RMDN1: variants seen among roughly 807,000 people sequenced by gnomAD.
RMDN1 encodes regulator of microtubule dynamics protein 1.
A neutral mutation model predicts 48.9 loss-of-function variants in RMDN1; 48 were observed. The observed-to-expected ratio is 0.98, with a 90% CI of 0.78 to 1.25. RMDN1 has a LOEUF of 1.25. RMDN1 is among the 50% of genes most tolerant of loss of function. RMDN1 has a pLI of 0.00. For missense variants in RMDN1, 418 were observed against 373.4 expected (o/e 1.12, Z -0.98); for synonymous variants, 148 against 132.6 (o/e 1.12, Z -0.80).
In RMDN1 at chr8:86,508,563, C is replaced by T. The variant is rs774133599; in HGVS notation, c.58G>A (p.Gly20Arg). 22 of 1,600,550 alleles carry T rather than the reference C, an allele frequency of 1.4e-5. No individual in the cohort carries two copies. In the South Asian group the frequency reaches 2.2e-4, roughly 16 times the overall value. The change falls in exon 1 of 10, where the codon GGG becomes AGG. Residue 20 changes from glycine (G) to arginine (R), a missense_variant. Physicochemically the swap from Gly to Arg is moderately radical, Grantham distance 125. Coordinates refer to ENST00000406452, the MANE Select transcript of RMDN1 (RefSeq NM_016033.3). ...LLPFRRGAAP[G>R]SRLPAGTSGS... ...GAAGTCCCCGCAGGGAGACGAGACC[C>T]CGGGGCGGCTCCACGTCGGAAAGGC...
In RMDN1 at chr8:86,473,612, A is replaced by C; in HGVS notation, c.*696T>G. The stretch of plus-strand genomic sequence containing the variant: ...AAAACCCCATCTCTACCAAAAATAC[A>C]AAAGTTAGCCGAGTGTGGTGGTACA... On this transcript the variant is annotated 3_prime_UTR_variant, in exon 10 of 10. Transcript: ENST00000406452. 1 of 403,210 alleles carries C rather than the reference A, an allele frequency of 2.5e-6. No homozygotes were observed. Among genetic ancestry groups the C allele is most frequent in the Non-Finnish European group, 3.4e-6 (1 of 298,154 alleles). 25.0% of individuals were successfully genotyped at this position (403,210 alleles called of 1,614,324 possible).
At position 86,474,863 on chromosome 8, in the gene RMDN1, A is replaced by G. The variant is rs1813102074; in HGVS notation, c.851T>C (p.Met284Thr). 1 of 1,612,910 alleles carries G rather than the reference A, an allele frequency of 6.2e-7. No homozygotes were observed. Among genetic ancestry groups the G allele is most frequent in the Non-Finnish European group, 8.5e-7 (1 of 1,179,478 alleles). ...HNKKLAAFWL[M>T]KAKDYPAHTE... The stretch of plus-strand genomic sequence containing the variant: ...GTGTGCTGGATAGTCCTTGGCTTTC[A>G]TTAGCCAGAAAGCAGCAAGCTTTTT... Residue 284 changes from methionine to threonine, a missense_variant, in exon 9 of 10, where the codon ATG becomes ACG. Transcript: ENST00000406452.
At chr8:86,494,547 C>G (rs935400731) in intron 2 of RMDN1, among the ~76,000 whole-genome samples, 2 of 152,162 alleles carry the variant, frequency 1.3e-5, no homozygotes, top group South Asian at 4.1e-4. Flanking sequence ...CAGAGCGAGA[C>G]TCTGTCTCAA....
chr8:86,504,599 T>C (rs1441119193), intron 2 of RMDN1: 1 of 995,378 alleles, frequency 1.0e-6, no homozygotes, highest in East Asian at 2.4e-5. Flanking sequence ...ATGATAGGCC[T>C]TGGAGGGATG....
intron 2 of RMDN1, among the ~76,000 whole-genome samples, chr8:86,503,380 A>ACAAAAC (rs1554594064): frequency 1.7e-5 from 1 of 59,022 alleles, no homozygotes; most frequent in Non-Finnish European, 3.0e-5. Context: ...ACAAAAAAAA[A>ACAAAAC]AAAAAAAAAC....
intron 2 of RMDN1, chr8:86,504,145 T>C (rs192904172): frequency 3.2e-5 from 42 of 1,320,932 alleles, no homozygotes; most frequent in Admixed American, 1.0e-4. Flanking sequence ...GCCGGTATTA[T>C]TGGGCTTTAC....
intron 2 of RMDN1, 28 bp from the exon 3 acceptor site, chr8:86,488,667 A>G: frequency 1.3e-6 from 2 of 1,499,176 alleles, no homozygotes; most frequent in South Asian, 1.2e-5. Context: ...GAAAAAAGAC[A>G]CAATAAAATA....
chr8:86,493,064 C>T (rs948773359), intron 2 of RMDN1, among the ~76,000 whole-genome samples: 12 of 149,792 alleles, frequency 8.0e-5, no homozygotes, highest in African/African-American at 2.0e-4. Context: ...TAAGGGCCAG[C>T]GAAGTTATAT....
At chr8:86,494,446 C>G (rs536227736) in intron 2 of RMDN1, among the ~76,000 whole-genome samples, 25 of 152,210 alleles carry the variant, frequency 1.6e-4, no homozygotes, top group African/African-American at 6.0e-4. Context: ...GTCCCAGCTA[C>G]TAGGGAGGCC....
intron 5 of RMDN1, among the ~76,000 whole-genome samples, chr8:86,480,798 T>G (rs981921701): frequency 6.6e-6 from 1 of 151,910 alleles, no homozygotes; most frequent in Non-Finnish European, 1.5e-5. Flanking sequence ...GTCTCTTCTA[T>G]GCAGATTTTA....
chr8:86,471,268 C>A (rs1205001126), downstream of RMDN1, among the ~76,000 whole-genome samples: 1 of 150,344 alleles, frequency 6.7e-6, no homozygotes, highest in Non-Finnish European at 1.5e-5. Flanking sequence ...TTGAATGATA[C>A]CTGATCTCAC....
chr8:86,504,990 G>T, intron 2 of RMDN1: 1 of 1,458,484 alleles, frequency 6.9e-7, no homozygotes, highest in Non-Finnish European at 9.5e-7. Flanking sequence ...GGCACATGGT[G>T]CAGATAGATC....
At chr8:86,477,536 G>A in intron 7 of RMDN1, 2 of 422,826 alleles carry the variant, frequency 4.7e-6, no homozygotes, top group Non-Finnish European at 8.5e-6. Flanking sequence ...GACTACTTCT[G>A]GTAATAACTT....
chr8:86,474,837 T>C lies in RMDN1; in HGVS notation c.877A>G (p.Thr293Ala), dbSNP rs751865515. Residue 293 changes from threonine (T) to alanine (A), a missense_variant, in exon 9 of 10, where the codon ACA becomes GCA. Thr to Ala is a moderately conservative substitution (Grantham distance 58). Transcript: ENST00000406452. The part of the protein sequence containing the change: ...LMKAKDYPAH[T>A]EEDKQIQTEA... ...TGTTTTACCTGTTTATCCTCCTCTG[T>C]GTGTGCTGGATAGTCCTTGGCTTTC... 4.3e-6 allele frequency: 7 copies of C among 1,610,806 alleles called. No individual in the cohort carries two copies. In the South Asian group the frequency reaches 7.8e-5, roughly 18 times the overall value.
At chr8:86,482,700 C>A (rs1225863721) in intron 5 of RMDN1, 3 of 982,058 alleles carry the variant, frequency 3.1e-6, no homozygotes, top group African/African-American at 1.6e-5. Context: ...TCAAGGGGAC[C>A]CCAGCTTTGG....
rs1293677112 is a variant in RMDN1 at position 86,472,459 on chromosome 8, G to GTTT, written c.*1848_*1849insAAA. The GTTT allele has an allele frequency of 1.4e-6, 1 of 702,488 alleles. No individual in the cohort carries two copies. Among genetic ancestry groups the GTTT allele is most frequent in the Non-Finnish European group, 2.6e-6 (1 of 384,980 alleles). The allele number at this position is 702,488 out of a possible 1,614,324, so 43.5% of individuals were successfully genotyped here. A position where few individuals can be genotyped will look rare whatever the true frequency, so the allele number is the denominator to read the frequency against. On this transcript the variant is annotated 3_prime_UTR_variant, in exon 10 of 10. Coordinates refer to ENST00000406452, the MANE Select transcript of RMDN1 (RefSeq NM_016033.3). ...GAAAGACCCACTTCCTGGCCCTTCA[G>GTTT]CTGCTTCTGTTTCTCTTCACCTACA...
intron 5 of RMDN1, among the ~76,000 whole-genome samples, chr8:86,483,561 G>A (rs376847489): frequency 3.5e-4 from 54 of 152,276 alleles, no homozygotes; most frequent in African/African-American, 1.3e-3. Flanking sequence ...ATTTTAAACT[G>A]TGAAACAGGT....
upstream of RMDN1, among the ~76,000 whole-genome samples, chr8:86,512,459 C>A (rs1820093964): frequency 6.6e-6 from 1 of 152,200 alleles, no homozygotes; most frequent in South Asian, 2.1e-4. Context: ...CATTCCTGTG[C>A]CCCAGATATT....
downstream of RMDN1, among the ~76,000 whole-genome samples, chr8:86,470,832 A>T (rs1354933334): frequency 2.0e-5 from 3 of 152,210 alleles, no homozygotes; most frequent in African/African-American, 7.2e-5. Context: ...AAAATTATGG[A>T]GAACAGATTA....
Sources: gnomAD v4.1 joint callset for allele counts (sites outside exome capture counted in the v4.1 genomes callset) on GRCh38, gnomAD v4.1.1 for gene constraint, MANE v1.5 for transcripts, NCBI Gene and HGNC (gene_info 2026-07-23, HGNC 2026-07-21) for gene names.